The following CAMK2D variants were observed in gnomAD, a reference collection of about 807,000 sequenced individuals.
The protein encoded by CAMK2D is calcium/calmodulin dependent protein kinase II delta.
A neutral mutation model predicts 84.0 loss-of-function variants in CAMK2D; 37 were observed. That is an observed-to-expected ratio of 0.44 (90% CI 0.34 to 0.58). The LOEUF is 0.58. Among genes scored for constraint, CAMK2D ranks in the 20% least tolerant of loss-of-function variants. The pLI is 0.02. For synonymous variants in CAMK2D, 202 were observed against 212.5 expected (o/e 0.95, Z 0.43); for missense variants, 448 against 652.5 (o/e 0.69, Z 3.41).
chr4:113,760,496 GC>G (rs2099638699), intron 1 of CAMK2D, among the ~76,000 whole-genome samples: 1 of 152,156 alleles, frequency 6.6e-6, no homozygotes, highest in Non-Finnish European at 1.5e-5. Flanking sequence ...TAGACTCTAT[GC>G]CAAGTTGAAC....
intron 6 of CAMK2D, among the ~76,000 whole-genome samples, chr4:113,540,737 C>A (rs2098524953): frequency 6.6e-6 from 1 of 152,212 alleles, no homozygotes; most frequent in African/African-American, 2.4e-5. Context: ...CTACTACATT[C>A]CAGTGCAGCT....
intron 13 of CAMK2D, among the ~76,000 whole-genome samples, chr4:113,507,653 T>G (rs1433965424): frequency 6.6e-6 from 1 of 152,182 alleles, no homozygotes. Flanking sequence ...GGTGTTTTTC[T>G]TTTTTAAAAA....
At chr4:113,514,174 GA>G (rs1403483427) in intron 10 of CAMK2D, among the ~76,000 whole-genome samples, 1 of 152,236 alleles carries the variant, frequency 6.6e-6, no homozygotes, top group African/African-American at 2.4e-5. Context: ...CAGCACTTTG[GA>G]AGGCCAAGGC....
chr4:113,643,249 A>G (rs987193342), intron 3 of CAMK2D, among the ~76,000 whole-genome samples: 2 of 152,244 alleles, frequency 1.3e-5, no homozygotes, highest in African/African-American at 2.4e-5. Context: ...CTGTCTTCCA[A>G]GATATAAGAT....
intron 16 of CAMK2D, among the ~76,000 whole-genome samples, chr4:113,487,882 CTATT>C (rs1177711915): frequency 2.6e-5 from 4 of 151,794 alleles, no homozygotes; most frequent in African/African-American, 9.7e-5. Context: ...TTACAATAAT[CTATT>C]AATAGTATTG....
chr4:113,548,615 T>A, intron 5 of CAMK2D: 3 of 1,035,734 alleles, frequency 2.9e-6, no homozygotes, highest in Non-Finnish European at 4.4e-6. Context: ...GAAAAAAAAA[T>A]AAAACTGCTT....
chr4:113,719,214 C>T (rs1169122737), intron 2 of CAMK2D, among the ~76,000 whole-genome samples: 1 of 152,062 alleles, frequency 6.6e-6, no homozygotes, highest in Non-Finnish European at 1.5e-5. Context: ...TGTACTAGGA[C>T]CCAACGGAAT....
At chr4:113,520,535 A>T (rs2098342370) in intron 8 of CAMK2D, among the ~76,000 whole-genome samples, 1 of 151,700 alleles carries the variant, frequency 6.6e-6, no homozygotes, top group African/African-American at 2.4e-5. Flanking sequence ...TCTATGTCAG[A>T]GAAAAAAGAA....
chr4:113,598,483 G>T (rs2098937463), intron 4 of CAMK2D, among the ~76,000 whole-genome samples: 1 of 152,148 alleles, frequency 6.6e-6, no homozygotes. Flanking sequence ...GTATGCTGAT[G>T]ACTTTTTAGA....
At chr4:113,559,938 T>C (rs2098690347) in intron 4 of CAMK2D, among the ~76,000 whole-genome samples, 1 of 152,224 alleles carries the variant, frequency 6.6e-6, no homozygotes, top group Non-Finnish European at 1.5e-5. Flanking sequence ...GATTTGTTGA[T>C]ACGCCCCTAT....
intron 4 of CAMK2D, among the ~76,000 whole-genome samples, chr4:113,566,368 C>T (rs1463438129): frequency 6.6e-6 from 1 of 152,204 alleles, no homozygotes; most frequent in Non-Finnish European, 1.5e-5. Context: ...ACTGCTCTCA[C>T]CTATGCCCAA....
intron 4 of CAMK2D, among the ~76,000 whole-genome samples, chr4:113,594,481 T>G (rs1289924400): frequency 2.0e-5 from 3 of 152,202 alleles, no homozygotes; most frequent in South Asian, 4.1e-4. Context: ...AGACATTTTT[T>G]AAAACTGTGA....
At chr4:113,549,410 A>C (rs1005091469) in intron 5 of CAMK2D, among the ~76,000 whole-genome samples, 1 of 152,238 alleles carries the variant, frequency 6.6e-6, no homozygotes, top group African/African-American at 2.4e-5. Context: ...ACAAATTTAC[A>C]ATCCCCTGGA....
At chr4:113,600,481 A>C (rs1431116160) in intron 4 of CAMK2D, among the ~76,000 whole-genome samples, 1 of 152,208 alleles carries the variant, frequency 6.6e-6, no homozygotes, top group Non-Finnish European at 1.5e-5. Context: ...TATAAAGTTT[A>C]TTAGAAGTTT....
chr4:113,588,901 A>C (rs28366421), intron 4 of CAMK2D, among the ~76,000 whole-genome samples: 1 of 150,986 alleles, frequency 6.6e-6, no homozygotes, highest in South Asian at 2.1e-4. Flanking sequence ...AAAAAAAAAA[A>C]GCCAAGGAAG....
At chr4:113,756,184 A>C (rs1386893373) in intron 2 of CAMK2D, among the ~76,000 whole-genome samples, 1 of 152,036 alleles carries the variant, frequency 6.6e-6, no homozygotes, top group Non-Finnish European at 1.5e-5. Flanking sequence ...ATTAAAATCT[A>C]GGCACAGAAA....
chr4:113,724,852 A>T (rs1483461168), intron 2 of CAMK2D, among the ~76,000 whole-genome samples: 1 of 151,948 alleles, frequency 6.6e-6, no homozygotes, highest in Non-Finnish European at 1.5e-5. Flanking sequence ...TTCTTTTTAT[A>T]ACAGCTTCCA....
At chr4:113,509,536 T>C in intron 13 of CAMK2D, 102 bp downstream of exon 13, 1 of 757,192 alleles carries the variant, frequency 1.3e-6, no homozygotes, top group Non-Finnish European at 2.3e-6. Context: ...TCAGAAACAA[T>C]AAAAAATAGA....
chr4:113,551,975 G>GA, intron 5 of CAMK2D, 56 bp downstream of exon 5: 1 of 803,482 alleles, frequency 1.2e-6, no homozygotes, highest in Non-Finnish European at 2.0e-6. Flanking sequence ...GAAATATGCT[G>GA]AAAAAGTATT....
Sources: gnomAD v4.1 joint callset for allele counts (sites outside exome capture counted in the v4.1 genomes callset) on GRCh38, gnomAD v4.1.1 for gene constraint, MANE v1.5 for transcripts, NCBI Gene and HGNC (gene_info 2026-07-23, HGNC 2026-07-21) for gene names.